CAMK1D: variants seen among roughly 807,000 people sequenced by gnomAD.
CAMK1D encodes calcium/calmodulin dependent protein kinase ID.
Under a neutral mutation model 47.7 loss-of-function variants are expected in CAMK1D, and 9 were observed. That is an observed-to-expected ratio of 0.19 (90% confidence interval 0.11 to 0.33). CAMK1D has a LOEUF of 0.33. Ranked by LOEUF, CAMK1D falls within the 10% of genes least tolerant of loss-of-function variation. CAMK1D has a pLI of 1.00. For synonymous variants in CAMK1D, 184 were observed against 184.9 expected, an observed-to-expected ratio of 0.99 and a Z score of 0.04; for missense variants, 291 against 488.7, an observed-to-expected ratio of 0.60 and a Z score of 3.81.
intron 1 of CAMK1D, among the ~76,000 whole-genome samples, chr10:12,432,263 T>C (rs899358058): frequency 1.3e-5 from 2 of 152,222 alleles, no homozygotes; most frequent in African/African-American, 4.8e-5. Flanking sequence ...CTCAGCCCCA[T>C]GAGGCTGTGA....
intron 1 of CAMK1D, among the ~76,000 whole-genome samples, chr10:12,376,754 C>CT (rs1207940507): frequency 6.9e-6 from 1 of 145,330 alleles, no homozygotes; most frequent in Non-Finnish European, 1.5e-5. Flanking sequence ...TTTTTCTTTT[C>CT]TTTTCTTTTT....
chr10:12,828,843 C>T lies in CAMK1D; in HGVS notation c.1114C>T (p.Pro372Ser), dbSNP rs773947005. ...GVSGVGAERRPRPTTVTAVHS... is the reference protein window; with the variant it reads ...GVSGVGAERRSRPTTVTAVHS... ...CTCAGGAGTTGGAGCCGAGCGGAGA[C>T]CCAGGCCCACCACTGTGACGGCAGT... is the stretch of plus-strand genomic sequence containing the variant. Residue 372 changes from proline to serine, a missense_variant, in exon 11 of 11, where the codon CCC (proline) becomes TCC (serine). Pro to Ser is a moderately conservative substitution (Grantham distance 74). Coordinates refer to ENST00000619168, the MANE Select transcript of CAMK1D (RefSeq NM_153498.4). 2.5e-6 allele frequency: 4 copies of T among 1,613,532 alleles called. No homozygotes were observed. In the African/African-American group the frequency reaches 4.0e-5, roughly 16 times the overall value.
intron 2 of CAMK1D, among the ~76,000 whole-genome samples, chr10:12,555,965 A>C (rs186833222): frequency 5.4e-4 from 83 of 152,318 alleles, no homozygotes; most frequent in African/African-American, 1.9e-3. Context: ...AATCACTTCC[A>C]GGGAGAGGGC....
intron 3 of CAMK1D, among the ~76,000 whole-genome samples, chr10:12,734,490 GTATA>G (rs1167081784): frequency 7.9e-5 from 10 of 125,938 alleles, no homozygotes; most frequent in African/African-American, 3.2e-4. Flanking sequence ...ATACACATAT[GTATA>G]TATATACACA....
rs201467332 is a variant in CAMK1D at position 12,408,328 on chromosome 10, A to AT, written c.92+58425dup. ...AGGCGCCCGCTACCTCGCCCGGCTAATTTTTTTGGATTTTTTTAGTAGAGA... is the reference window on the plus strand; with the variant it reads ...AGGCGCCCGCTACCTCGCCCGGCTAATTTTTTTTGGATTTTTTTAGTAGAGA... On this transcript the variant is annotated intron_variant, in intron 1 of 10. Coordinates refer to ENST00000619168, the MANE Select transcript of CAMK1D (RefSeq NM_153498.4). Among the ~76,000 whole-genome samples the AT allele has an allele frequency of 5.9e-3, 889 of 151,344 alleles. 14 individuals carry two copies. Among genetic ancestry groups the AT allele is most frequent in the African/African-American group, 0.02 (827 of 41,192 alleles).
rs34240385 is a variant in CAMK1D at position 12,486,552 on chromosome 10, C to CACACAT, written c.93-66673_93-66672insACACAT. ...GCGTGCACACACACACACACACACA[C>CACACAT]GTACAGACACTATTAGTTCTGTTTT... is the stretch of plus-strand genomic sequence containing the variant. On this transcript the variant is annotated intron_variant, in intron 1 of 10. Coordinates refer to ENST00000619168, the MANE Select transcript of CAMK1D (RefSeq NM_153498.4). Among the ~76,000 whole-genome samples, 383 of 152,034 alleles carry CACACAT rather than the reference C, an allele frequency of 2.5e-3. 3 individuals are homozygous for CACACAT. Among genetic ancestry groups the CACACAT allele is most frequent in the African/African-American group, 6.0e-3 (249 of 41,464 alleles).
At chr10:12,597,073 G>A (rs763626752) in intron 2 of CAMK1D, among the ~76,000 whole-genome samples, 124 of 152,024 alleles carry the variant, frequency 8.2e-4, no homozygotes, top group Non-Finnish European at 1.4e-3. Flanking sequence ...AGTGGGGATG[G>A]AAAATAAAAA....
chr10:12,580,701 G>A (rs1837638078), intron 2 of CAMK1D, among the ~76,000 whole-genome samples: 2 of 152,198 alleles, frequency 1.3e-5, no homozygotes, highest in South Asian at 4.1e-4. Context: ...GAAGAATGCA[G>A]GAGTGTGTGG....
At chr10:12,540,646 T>C (rs1836137139) in intron 1 of CAMK1D, among the ~76,000 whole-genome samples, 1 of 152,234 alleles carries the variant, frequency 6.6e-6, no homozygotes, top group Admixed American at 6.5e-5. Context: ...CATAGGATTG[T>C]ACTCAGAATG....
intron 2 of CAMK1D, among the ~76,000 whole-genome samples, chr10:12,584,478 A>G (rs1837757087): frequency 6.6e-6 from 1 of 152,194 alleles, no homozygotes; most frequent in African/African-American, 2.4e-5. Flanking sequence ...CAACACAAAG[A>G]GGTGGGTATC....
intron 1 of CAMK1D, among the ~76,000 whole-genome samples, chr10:12,413,427 T>C (rs1839733268): frequency 6.6e-6 from 1 of 151,878 alleles, no homozygotes; most frequent in Non-Finnish European, 1.5e-5. Context: ...ATCCAAACTT[T>C]ATCAGTGTGT....
chr10:12,388,273 G>C (rs7090903), intron 1 of CAMK1D, among the ~76,000 whole-genome samples: 120,410 of 152,070 alleles, frequency 0.79, 49,987 homozygotes, highest in South Asian at 0.91. Flanking sequence ...GTGATCCGCT[G>C]GCCTTGACCT....
intron 3 of CAMK1D, among the ~76,000 whole-genome samples, chr10:12,679,088 C>T (rs992400269): frequency 6.6e-6 from 1 of 152,178 alleles, no homozygotes; most frequent in Non-Finnish European, 1.5e-5. Context: ...AACATTTTCA[C>T]ACTACTTTTC....
intron 3 of CAMK1D, among the ~76,000 whole-genome samples, chr10:12,736,973 G>T (rs4750253): frequency 6.6e-6 from 1 of 151,978 alleles, no homozygotes; most frequent in East Asian, 1.9e-4. Flanking sequence ...TTGCCCCAAG[G>T]TTGCTTCATT....
intron 1 of CAMK1D, among the ~76,000 whole-genome samples, chr10:12,358,360 C>T (rs2131837209): frequency 6.6e-6 from 1 of 152,024 alleles, no homozygotes; most frequent in African/African-American, 2.4e-5. Context: ...ATGGTAAAAC[C>T]CCGTCTCTAC....
intron 1 of CAMK1D, among the ~76,000 whole-genome samples, chr10:12,470,766 C>G (rs1225797632): frequency 2.6e-5 from 4 of 152,168 alleles, no homozygotes; most frequent in Admixed American, 1.3e-4. Context: ...ATACACCCAC[C>G]TCCGGCTCCC....
intron 1 of CAMK1D, among the ~76,000 whole-genome samples, chr10:12,402,045 G>C (rs2131918622): frequency 6.6e-6 from 1 of 151,970 alleles, no homozygotes; most frequent in African/African-American, 2.4e-5. Flanking sequence ...ACAGGTGGGT[G>C]CAACCATGCC....
At chr10:12,766,968 G>T (rs781133763) in intron 4 of CAMK1D, among the ~76,000 whole-genome samples, 2 of 152,162 alleles carry the variant, frequency 1.3e-5, no homozygotes, top group Admixed American at 1.3e-4. Flanking sequence ...TCACTGCGAT[G>T]TTGACACATC....
At chr10:12,612,339 CT>C (rs11333936) in intron 2 of CAMK1D, among the ~76,000 whole-genome samples, 47,622 of 121,548 alleles carry the variant, frequency 0.39, 7,912 homozygotes, top group East Asian at 0.49. Context: ...TAATTAATTA[CT>C]TTTTTTTTTT....
Sources: gnomAD v4.1 joint callset for allele counts (sites outside exome capture counted in the v4.1 genomes callset) on GRCh38, gnomAD v4.1.1 for gene constraint, MANE v1.5 for transcripts, NCBI Gene and HGNC (gene_info 2026-07-23, HGNC 2026-07-21) for gene names.